DNAH3: variants seen among roughly 807,000 people sequenced by gnomAD.
DNAH3 encodes axonemal beta dynein heavy chain 3.
Under a neutral mutation model 432.5 loss-of-function variants are expected in DNAH3, and 332 were observed. That is an observed-to-expected ratio of 0.77 (90% confidence interval 0.70 to 0.84). DNAH3 has a LOEUF of 0.84. Ranked by LOEUF, DNAH3 falls within the 40% of genes least tolerant of loss-of-function variation. The pLI is 0.00. For missense variants in DNAH3, 4,861 were observed against 5,114.0 expected (o/e 0.95, Z 1.51); for synonymous variants, 1,956 against 1,900.2 (o/e 1.03, Z -0.76).
At chr16:21,020,823 C>G (rs1164476500) in intron 40 of DNAH3, among the ~76,000 whole-genome samples, 1 of 152,108 alleles carries the variant, frequency 6.6e-6, no homozygotes, top group African/African-American at 2.4e-5. Context: ...CCATCACCAC[C>G]ATCTATATCC....
At chr16:20,959,482 C>T in intron 53 of DNAH3, 78 bp from the exon 54 acceptor site, 2 of 1,428,724 alleles carry the variant, frequency 1.4e-6, no homozygotes, top group Non-Finnish European at 1.9e-6. Context: ...TCAACAATAA[C>T]AACATGGCTG....
At chr16:20,940,168 T>C (rs993486665) in intron 59 of DNAH3, among the ~76,000 whole-genome samples, 1 of 152,204 alleles carries the variant, frequency 6.6e-6, no homozygotes, top group Non-Finnish European at 1.5e-5. Flanking sequence ...AGTTTTCCCG[T>C]TGAATGATTG....
intron 58 of DNAH3, among the ~76,000 whole-genome samples, chr16:20,943,700 G>A (rs1006693587): frequency 2.5e-4 from 38 of 152,166 alleles, no homozygotes; most frequent in African/African-American, 8.2e-4. Context: ...AACTGTTAAC[G>A]CTGGGAGCAG....
At chr16:21,107,312 T>A (rs1021478540) in intron 14 of DNAH3, among the ~76,000 whole-genome samples, 1 of 143,470 alleles carries the variant, frequency 7.0e-6, no homozygotes, top group African/African-American at 2.6e-5. Flanking sequence ...GTGTGATAGC[T>A]CACTGCAACC....
intron 58 of DNAH3, among the ~76,000 whole-genome samples, chr16:20,942,267 C>T (rs1245981613): frequency 6.6e-6 from 1 of 152,130 alleles, no homozygotes; most frequent in Non-Finnish European, 1.5e-5. Flanking sequence ...TTCTCAGTGC[C>T]CGTGACACCT....
chr16:21,080,110 A>C (rs1000387448), intron 20 of DNAH3, among the ~76,000 whole-genome samples: 2 of 142,988 alleles, frequency 1.4e-5, no homozygotes, highest in Non-Finnish European at 3.2e-5. Flanking sequence ...CAGCCTGGCC[A>C]ATGTGGTGAA....
intron 48 of DNAH3, among the ~76,000 whole-genome samples, chr16:20,983,979 A>G (rs1488628933): frequency 1.3e-5 from 2 of 150,004 alleles, no homozygotes; most frequent in Non-Finnish European, 3.0e-5. Flanking sequence ...GTGAGCTAGA[A>G]CCACATCACT....
chr16:21,125,070 T>C, intron 9 of DNAH3, 105 bp downstream of exon 10: 3 of 900,198 alleles, frequency 3.3e-6, no homozygotes, highest in Non-Finnish European at 4.9e-6. Flanking sequence ...GCATTTCACT[T>C]TGTGCCCTGG....
chr16:21,054,244 A>G (rs2090055655), intron 28 of DNAH3, among the ~76,000 whole-genome samples, 176 bp downstream of exon 28: 1 of 152,138 alleles, frequency 6.6e-6, no homozygotes, highest in African/African-American at 2.4e-5. Context: ...ATGGGAGAGG[A>G]AACACAGGTG....
At chr16:20,953,465 G>A (rs567817020) in intron 55 of DNAH3, among the ~76,000 whole-genome samples, 2 of 152,206 alleles carry the variant, frequency 1.3e-5, no homozygotes, top group African/African-American at 4.8e-5. Flanking sequence ...AGGTTCAATA[G>A]AGAAGTTTAA....
intron 16 of DNAH3, among the ~76,000 whole-genome samples, chr16:21,102,883 T>C (rs568350398): frequency 2.0e-5 from 3 of 151,422 alleles, no homozygotes; most frequent in African/African-American, 7.3e-5. Context: ...TATTCTTTTT[T>C]TTTTTTTTTT....
rs778134185 is a variant in DNAH3 at position 20,979,402 on chromosome 16, C to G, written c.8004G>C (p.Lys2668Asn). Reference sequence around the variant, plus strand: ...TCCTCATCATAGCCACCTCTTGCCTCTTGCTATTCAGGAGCGTCTTGAAGG... The same window carrying G: ...TCCTCATCATAGCCACCTCTTGCCTGTTGCTATTCAGGAGCGTCTTGAAGG... The change falls in exon 50 of 62, where the codon AAG becomes AAC. Residue 2668 changes from lysine to asparagine, a missense_variant. Transcript: ENST00000261383. The G allele has an allele frequency of 1.9e-6, 3 of 1,614,142 alleles. No individual in the cohort carries two copies. The South Asian group carries it at 3.3e-5, about 18-fold the overall frequency.
intron 3 of DNAH3, among the ~76,000 whole-genome samples, chr16:21,142,351 G>C (rs914331134): frequency 3.3e-5 from 5 of 152,068 alleles, no homozygotes; most frequent in African/African-American, 1.2e-4. Context: ...TGGGCAATGA[G>C]AGCGAAACTC....
chr16:21,140,471 A>G, intron 5 of DNAH3, 65 bp downstream of exon 6: 2 of 1,517,662 alleles, frequency 1.3e-6, no homozygotes, highest in Non-Finnish European at 9.0e-7. Flanking sequence ...CCCTGAATTT[A>G]GAATCACTGA....
chr16:21,038,052 C>T, intron 33 of DNAH3, 72 bp from the exon 34 acceptor site: 2 of 1,384,230 alleles, frequency 1.4e-6, no homozygotes, highest in Non-Finnish European at 2.0e-6. Context: ...TTCCCAATAT[C>T]CTTGTCCTTG....
chr16:20,981,317 G>A (rs1028526561), intron 49 of DNAH3, among the ~76,000 whole-genome samples: 2 of 152,144 alleles, frequency 1.3e-5, no homozygotes, highest in East Asian at 1.9e-4. Context: ...CCACAAGCAC[G>A]TGGACCCAGG....
At chr16:21,014,023 C>A (rs1000332125) in intron 41 of DNAH3, among the ~76,000 whole-genome samples, 1 of 152,120 alleles carries the variant, frequency 6.6e-6, no homozygotes, top group Non-Finnish European at 1.5e-5. Flanking sequence ...AGAAATGATA[C>A]AAATTCTCTA....
chr16:21,000,191 C>T lies in DNAH3; in HGVS notation c.6421+33G>A, dbSNP rs146583245. Reference sequence around the variant, plus strand: ...TTGCTGCAGCTTATGGTGGAAGAATCTGGTTGTGTCCAGACCCAGCCCAAT... The same window carrying T: ...TTGCTGCAGCTTATGGTGGAAGAATTTGGTTGTGTCCAGACCCAGCCCAAT... On this transcript the variant is annotated intron_variant, in intron 43 of 61. Coordinates refer to ENST00000261383, the Ensembl canonical transcript of DNAH3. 8 of 1,592,982 alleles carry T rather than the reference C, an allele frequency of 5.0e-6. No homozygotes were observed. The East Asian group carries it at 1.6e-4, about 31-fold the overall frequency.
chr16:21,019,728 T>C (rs1272439119), exon 41 of DNAH3: 1 of 1,614,214 alleles, frequency 6.2e-7, no homozygotes, highest in East Asian at 2.2e-5. Context: ...ATCAAATTTC[T>C]TTCTGCTGTC....
Sources: allele counts gnomAD v4.1 joint callset (sites outside exome capture counted in the v4.1 genomes callset), GRCh38; gene constraint gnomAD v4.1.1; transcripts MANE v1.5; gene names NCBI Gene and HGNC (gene_info 2026-07-23, HGNC 2026-07-21).